Variants in PLB1 observed in about 807,000 individuals in gnomAD.
PLB1 encodes the protein phospholipase B1, membrane-associated.
A neutral mutation model predicts 227.4 loss-of-function variants in PLB1; 242 were observed. The ratio of observed to expected loss-of-function variants is 1.06; its 90% CI spans 0.96 to 1.18. PLB1 has a LOEUF of 1.18. PLB1 is among the 50% of genes most tolerant of loss of function. The pLI, the probability that PLB1 is intolerant of heterozygous loss-of-function variation, is 0.00. For synonymous variants in PLB1, 757 were observed against 682.2 expected (o/e 1.11, Z -1.71); for missense variants, 1,858 against 1,816.3 (o/e 1.02, Z -0.42).
intron 20 of PLB1, among the ~76,000 whole-genome samples, chr2:28,571,822 C>T (rs373025901): frequency 7.9e-5 from 12 of 151,870 alleles, no homozygotes; most frequent in African/African-American, 2.9e-4. Context: ...AATGTAAGAG[C>T]TAAAACTAAC....
rs536476788 is a variant in PLB1 at position 28,554,489 on chromosome 2, C to CTTTTTTTTTTTTTTTTTTTT, written c.1147+1508_1147+1527dup. 9.9e-4 allele frequency among the ~76,000 whole-genome samples: 85 copies of CTTTTTTTTTTTTTTTTTTTT among 85,450 alleles called. 4 individuals are homozygous for CTTTTTTTTTTTTTTTTTTTT. Among genetic ancestry groups the CTTTTTTTTTTTTTTTTTTTT allele is most frequent in the African/African-American group, 3.5e-3 (65 of 18,746 alleles). 56.1% of individuals were successfully genotyped at this position (85,450 alleles called of 152,430 possible). On this transcript the variant is annotated intron_variant, in intron 17 of 57. Coordinates refer to ENST00000327757, the MANE Select transcript of PLB1 (RefSeq NM_153021.5). Reference sequence around the variant, plus strand: ...CTACAGGCATTATCACCACACCTGCCTTTTTTTTTTTTTTTTTTTTTTTTT... The same window carrying CTTTTTTTTTTTTTTTTTTTT: ...CTACAGGCATTATCACCACACCTGCCTTTTTTTTTTTTTTTTTTTTTTTTTTTTTTTTTTTTTTTTTTTTT...
At chr2:28,519,335 G>A (rs1669213300) in intron 3 of PLB1, among the ~76,000 whole-genome samples, 1 of 152,232 alleles carries the variant, frequency 6.6e-6, no homozygotes, top group Admixed American at 6.5e-5. Flanking sequence ...TATTCTTAAT[G>A]TGTTGTCCTC....
At chr2:28,568,109 C>G (rs541165306) in intron 20 of PLB1, among the ~76,000 whole-genome samples, 1 of 152,270 alleles carries the variant, frequency 6.6e-6, no homozygotes, top group East Asian at 1.9e-4. Context: ...TAAATCCTGT[C>G]GAATTTAGGT....
Position 28,598,025 on chromosome 2 carries a change from T to G in PLB1, c.2342T>G (p.Leu781Arg). The G allele has an allele frequency of 6.2e-7, 1 of 1,613,342 alleles. No homozygotes were observed. The highest frequency in any genetic ancestry group is 1.3e-5 in the African/African-American group (1 of 74,994). Residue 781 changes from leucine to arginine, a missense_variant, in exon 34 of 58, where the codon CTG becomes CGG. By Grantham distance (102) the Leu-to-Arg change is moderately radical (BLOSUM62 -2). Transcript: ENST00000327757. The stretch of plus-strand genomic sequence containing the variant: ...TACAGTGCAGGAGGGGACGGCTCCC[T>G]GGAGAATGTGACCACCTTACCTAGT... ...LSYSAGGDGS[L>R]ENVTTLPNIL...
chr2:28,617,841 T>C, intron 45 of PLB1, 54 bp downstream of exon 45: 1 of 1,531,976 alleles, frequency 6.5e-7, no homozygotes, highest in South Asian at 1.1e-5. Flanking sequence ...GAATATCAGG[T>C]TGTGGGGAGA....
Position 28,643,222 on chromosome 2 carries a change from A to G in PLB1, c.*161A>G. On this transcript the variant is annotated 3_prime_UTR_variant, in exon 58 of 58. Transcript: ENST00000327757. ...TGGGGCCTGGGCTTCTTCCAGGCCT[A>G]TGCTCCTGGAATGGATACATTTAAA... 1 of 608,186 alleles carries G rather than the reference A, an allele frequency of 1.6e-6. No individual in the cohort carries two copies. Among genetic ancestry groups the G allele is most frequent in the Middle Eastern group, 4.5e-4 (1 of 2,220 alleles). The allele number at this position is 608,186 out of a possible 1,614,324, so 37.7% of individuals were successfully genotyped here.
At chr2:28,568,215 T>C (rs1677383678) in intron 20 of PLB1, among the ~76,000 whole-genome samples, 1 of 152,224 alleles carries the variant, frequency 6.6e-6, no homozygotes, top group African/African-American at 2.4e-5. Flanking sequence ...TAGGAGATGG[T>C]TCAGGGTGCT....
intron 17 of PLB1, among the ~76,000 whole-genome samples, chr2:28,560,887 C>T (rs1291152312): frequency 6.6e-6 from 1 of 152,232 alleles, no homozygotes; most frequent in Non-Finnish European, 1.5e-5. Flanking sequence ...CTCATATATG[C>T]TTCATGCAAG....
rs1041185662 is a variant in PLB1, at chr2:28,620,333, G to A, written c.3383+1G>A. On this transcript the variant is annotated splice_donor_variant, in intron 47 of 57. Coordinates refer to ENST00000327757, the MANE Select transcript of PLB1 (RefSeq NM_153021.5). LOFTEE classifies it high-confidence loss of function. ...CATCTTGGAGGGGACTCTCTTGGAG[G>A]TGAGGATGTTCTTGATGCATGCTCT... 1 of 1,598,904 alleles carries A rather than the reference G, an allele frequency of 6.3e-7. No homozygotes were observed.
At position 28,563,650 on chromosome 2, in the gene PLB1, T is replaced by TGCCCCC. The variant is rs766425955; in HGVS notation, c.1206+553_1206+558dup. ...GATGTTCCAAACCCACTTCTGCATC[T>TGCCCCC]GCCCCCGGGTGACATCCCAGACCCT... On this transcript the variant is annotated intron_variant, in intron 18 of 57. Transcript: ENST00000327757. Among the ~76,000 whole-genome samples the TGCCCCC allele has an allele frequency of 1.1e-3, 172 of 152,220 alleles. 1 individual carries two copies. The highest frequency in any genetic ancestry group is 2.0e-3 in the Non-Finnish European group (137 of 68,008).
chr2:28,588,099 C>T (rs1254233803), intron 26 of PLB1, among the ~76,000 whole-genome samples: 19 of 123,824 alleles, frequency 1.5e-4, no homozygotes, highest in South Asian at 1.3e-3. Context: ...ACAGAAGCTA[C>T]GGCTCTCTCA....
At chr2:28,508,251 C>G (rs980787048) in intron 1 of PLB1, among the ~76,000 whole-genome samples, 1 of 152,310 alleles carries the variant, frequency 6.6e-6, no homozygotes, top group East Asian at 1.9e-4. Flanking sequence ...CTCTCTGGAT[C>G]TAGTAAACAA....
chr2:28,627,434 CA>C (rs1687954480), intron 51 of PLB1, among the ~76,000 whole-genome samples: 1 of 152,166 alleles, frequency 6.6e-6, no homozygotes, highest in African/African-American at 2.4e-5. Context: ...TTCATGGGAA[CA>C]GTCAGGTTTA....
chr2:28,602,700 C>T (rs1684095676), intron 38 of PLB1, 121 bp from the exon 39 acceptor site: 2 of 861,120 alleles, frequency 2.3e-6, no homozygotes, highest in East Asian at 2.4e-5. Context: ...AGACTCCTCC[C>T]CAGAACTCAA....
intron 16 of PLB1, among the ~76,000 whole-genome samples, chr2:28,552,252 A>G (rs548847366): frequency 1.4e-4 from 22 of 152,304 alleles, no homozygotes; most frequent in Non-Finnish European, 1.5e-4. Context: ...AGGCTGAGGC[A>G]GATTGATGGG....
In PLB1 at chr2:28,595,492, C is replaced by G. The variant is rs369947989; in HGVS notation, c.2321+1738C>G. The G allele has an allele frequency of 5.3e-5, 8 of 152,206 alleles. No homozygotes were observed. In the East Asian group the frequency reaches 1.5e-3, roughly 29 times the overall value. 9.4% of individuals were successfully genotyped at this position (152,206 alleles called of 1,614,324 possible). ...TTTGTATCTGAGGGGGAAACATTAC[C>G]ATAACCTTCCTTTGGGGAATTCATG... On this transcript the variant is annotated intron_variant, in intron 33 of 57. Coordinates refer to ENST00000327757, the MANE Select transcript of PLB1 (RefSeq NM_153021.5).
At position 28,568,014 on chromosome 2, in the gene PLB1, T is replaced by G. The variant is rs537062261; in HGVS notation, c.1324+1175T>G. 9.8e-5 allele frequency among the ~76,000 whole-genome samples: 15 copies of G among 152,318 alleles called. No homozygotes were observed. The South Asian group carries it at 3.1e-3, about 32-fold the overall frequency. On this transcript the variant is annotated intron_variant, in intron 20 of 57. Coordinates refer to ENST00000327757, the MANE Select transcript of PLB1 (RefSeq NM_153021.5). ...GCTAACAACTTGAAGCCACCAAGAT[T>G]TGGATGAGGGGGACATCATAGCTTA... is the stretch of plus-strand genomic sequence containing the variant.
chr2:28,550,498 A>G (rs1302128723), intron 16 of PLB1, among the ~76,000 whole-genome samples: 1 of 149,036 alleles, frequency 6.7e-6, no homozygotes, highest in Non-Finnish European at 1.5e-5. Context: ...AAGCAGATCA[A>G]CTGGCCAGAT....
At chr2:28,533,273 C>T (rs1671259968) in intron 9 of PLB1, among the ~76,000 whole-genome samples, 1 of 152,178 alleles carries the variant, frequency 6.6e-6, no homozygotes, top group African/African-American at 2.4e-5. Flanking sequence ...CTGACTAGCT[C>T]TCATTGGCCA....
Sources: allele counts gnomAD v4.1 joint callset (sites outside exome capture counted in the v4.1 genomes callset), GRCh38; gene constraint gnomAD v4.1.1; transcripts MANE v1.5; gene names NCBI Gene and HGNC (gene_info 2026-07-23, HGNC 2026-07-21).